SLC25A21: variants seen among roughly 807,000 people sequenced by gnomAD.
SLC25A21 encodes mitochondrial 2-oxodicarboxylate carrier.
A neutral mutation model predicts 43.8 loss-of-function variants in SLC25A21; 47 were observed. The observed-to-expected ratio is 1.07, with a 90% CI of 0.85 to 1.37. The LOEUF (loss-of-function observed/expected upper bound fraction) is 1.37. Among genes scored for constraint, SLC25A21 ranks in the 40% most tolerant of loss-of-function variants. The pLI is 0.00. For synonymous variants in SLC25A21, 131 were observed against 121.3 expected (o/e 1.08, Z -0.52); for missense variants, 352 against 350.2 (o/e 1.00, Z -0.04).
chr14:36,957,053 T>C (rs1487300322), intron 1 of SLC25A21, among the ~76,000 whole-genome samples: 1 of 152,242 alleles, frequency 6.6e-6, no homozygotes, highest in African/African-American at 2.4e-5. Context: ...AACGATGCTA[T>C]TTGTTGCCAA....
At position 36,679,763 on chromosome 14, in the gene SLC25A21, T is replaced by C. The variant is rs898930992; in HGVS notation, c.*895A>G. On this transcript the variant is annotated 3_prime_UTR_variant, in exon 10 of 10. Transcript: ENST00000331299. ...CACAGGTAGGCATGCTGAATAAAGG[T>C]ATTTGGATGCAAATACTGATGGCTG... The C allele has an allele frequency of 1.6e-5, 16 of 985,244 alleles. No individual in the cohort carries two copies. In the African/African-American group the frequency reaches 2.6e-4, roughly 16 times the overall value. The allele number at this position is 985,244 out of a possible 1,614,324, so 61.0% of individuals were successfully genotyped here. A position where few individuals can be genotyped will look rare whatever the true frequency, so the allele number is the denominator to read the frequency against.
At chr14:37,051,971 ACCCGAAGGG>A in intron 1 of SLC25A21, among the ~76,000 whole-genome samples, 1 of 152,182 alleles carries the variant, frequency 6.6e-6, no homozygotes, top group Non-Finnish European at 1.5e-5. Flanking sequence ...TGAAGAGTGG[ACCCGAAGGG>A]CCCGAGCACA....
intron 7 of SLC25A21, among the ~76,000 whole-genome samples, chr14:36,706,789 C>G (rs184490122): frequency 6.6e-6 from 1 of 152,280 alleles, no homozygotes; most frequent in African/African-American, 2.4e-5. Context: ...CTGTCTCCCC[C>G]ATGGACGCTA....
chr14:37,154,635 A>G (rs1047067483), intron 1 of SLC25A21, among the ~76,000 whole-genome samples: 3 of 137,442 alleles, frequency 2.2e-5, no homozygotes, highest in African/African-American at 9.2e-5. Context: ...AATTTTACTA[A>G]AAGATAGATT....
chr14:36,993,395 ATAATT>A (rs1960305233), intron 1 of SLC25A21, among the ~76,000 whole-genome samples: 2 of 152,202 alleles, frequency 1.3e-5, no homozygotes, highest in Non-Finnish European at 2.9e-5. Context: ...AATTGAGAAA[ATAATT>A]TTTATAGCAT....
chr14:36,946,096 G>A (rs1407387798), intron 1 of SLC25A21, among the ~76,000 whole-genome samples: 1 of 152,158 alleles, frequency 6.6e-6, no homozygotes, highest in Non-Finnish European at 1.5e-5. Context: ...GATGTAAGTA[G>A]AAACATTTTA....
chr14:36,840,422 G>A (rs1889349578), intron 2 of SLC25A21, among the ~76,000 whole-genome samples: 2 of 152,094 alleles, frequency 1.3e-5, no homozygotes, highest in Non-Finnish European at 2.9e-5. Flanking sequence ...GTTATTCCTA[G>A]TCGGAATTAT....
At chr14:37,029,772 T>C (rs938837101) in intron 1 of SLC25A21, among the ~76,000 whole-genome samples, 3 of 147,846 alleles carry the variant, frequency 2.0e-5, no homozygotes, top group Non-Finnish European at 4.5e-5. Context: ...TTTTTTTTTT[T>C]TTTTTTTTTT....
chr14:36,846,447 T>C (rs1779735057), intron 2 of SLC25A21, among the ~76,000 whole-genome samples: 2 of 152,172 alleles, frequency 1.3e-5, no homozygotes. Context: ...AATGCTGTGA[T>C]CTCGGCTCAC....
At chr14:36,762,962 G>C (rs1393130313) in intron 3 of SLC25A21, among the ~76,000 whole-genome samples, 1 of 152,080 alleles carries the variant, frequency 6.6e-6, no homozygotes, top group Non-Finnish European at 1.5e-5. Flanking sequence ...AAATTATATA[G>C]ACCCTGGTAG....
At chr14:36,897,959 C>A (rs1294623020) in intron 1 of SLC25A21, among the ~76,000 whole-genome samples, 2 of 152,188 alleles carry the variant, frequency 1.3e-5, no homozygotes, top group Admixed American at 1.3e-4. Flanking sequence ...GGGATGCCTG[C>A]CAGTTAGGCT....
chr14:36,981,531 C>T (rs1480590392), intron 1 of SLC25A21, among the ~76,000 whole-genome samples: 1 of 152,150 alleles, frequency 6.6e-6, no homozygotes, highest in Admixed American at 6.5e-5. Flanking sequence ...AGTTCATGTC[C>T]TTTGTAGGAA....
At chr14:36,727,046 A>C (rs1884628850) in intron 5 of SLC25A21, among the ~76,000 whole-genome samples, 1 of 152,222 alleles carries the variant, frequency 6.6e-6, no homozygotes, top group Non-Finnish European at 1.5e-5. Context: ...TGGCTGTGTG[A>C]CTAGAACTGT....
chr14:37,124,781 G>A (rs1371723948), intron 1 of SLC25A21, among the ~76,000 whole-genome samples: 1 of 152,170 alleles, frequency 6.6e-6, no homozygotes, highest in African/African-American at 2.4e-5. Context: ...ACTTGGTGCT[G>A]TTCTCATGAC....
chr14:37,122,715 C>T (rs1963230835), intron 1 of SLC25A21, among the ~76,000 whole-genome samples: 5 of 152,160 alleles, frequency 3.3e-5, no homozygotes, highest in Non-Finnish European at 2.9e-5. Flanking sequence ...TTGGATATAT[C>T]AGGGAATATT....
At chr14:36,735,745 C>A (rs1885003627) in intron 3 of SLC25A21, among the ~76,000 whole-genome samples, 1 of 151,954 alleles carries the variant, frequency 6.6e-6, no homozygotes, top group South Asian at 2.1e-4. Flanking sequence ...GCTTACCCAG[C>A]CTCAATTCAC....
intron 2 of SLC25A21, among the ~76,000 whole-genome samples, chr14:36,822,492 A>G (rs1888670455): frequency 2.0e-5 from 3 of 152,226 alleles, no homozygotes; most frequent in African/African-American, 4.8e-5. Context: ...AGAGCTATGC[A>G]TTGGCTTAAC....
Position 37,161,647 on chromosome 14 carries a change from G to A in SLC25A21, c.70+10634C>T, listed in dbSNP as rs577427569. The stretch of plus-strand genomic sequence containing the variant: ...TGACTGGTGTCCTTATAAGAAGAGG[G>A]ACACAAAGATAGTGACAGATAGGGA... On this transcript the variant is annotated intron_variant, in intron 1 of 9. Transcript: ENST00000331299. Among the ~76,000 whole-genome samples, 33 of 152,230 alleles carry A rather than the reference G, an allele frequency of 2.2e-4. 1 individual carries two copies. In the South Asian group the frequency reaches 2.3e-3, roughly 11 times the overall value.
chr14:37,118,795 A>C (rs542274055), intron 1 of SLC25A21, among the ~76,000 whole-genome samples: 1 of 151,490 alleles, frequency 6.6e-6, no homozygotes, highest in Non-Finnish European at 1.5e-5. Flanking sequence ...CATTACAATA[A>C]TTTTTTTTTA....
Sources: gnomAD v4.1 joint callset for allele counts (sites outside exome capture counted in the v4.1 genomes callset) on GRCh38, gnomAD v4.1.1 for gene constraint, MANE v1.5 for transcripts, NCBI Gene and HGNC (gene_info 2026-07-23, HGNC 2026-07-21) for gene names.